Variants in CCSER2 observed in about 807,000 individuals in gnomAD.
CCSER2 encodes serine-rich coiled-coil domain-containing protein 2.
CCSER2 carries 46 observed loss-of-function variants against 92.3 expected under a neutral mutation model. The ratio of observed to expected loss-of-function variants is 0.50; its 90% CI spans 0.39 to 0.64. The LOEUF (loss-of-function observed/expected upper bound fraction) is 0.64, where lower values mean the gene tolerates loss of function less well. Ranked by LOEUF, CCSER2 falls within the 30% of genes least tolerant of loss-of-function variation. CCSER2 has a pLI of 0.00. For synonymous variants in CCSER2, 433 were observed against 431.4 expected (o/e 1.00, Z -0.04); for missense variants, 1,244 against 1,238.9 (o/e 1.00, Z -0.06).
chr10:84,423,982 TAAAAAAA>T (rs3044102), intron 4 of CCSER2, among the ~76,000 whole-genome samples: 2 of 108,178 alleles, frequency 1.8e-5, no homozygotes, highest in Non-Finnish European at 3.7e-5. Flanking sequence ...CCCCATCTCT[TAAAAAAA>T]AAAAAAAAAA....
intron 9 of CCSER2, among the ~76,000 whole-genome samples, chr10:84,504,639 A>G (rs1848949942): frequency 6.6e-6 from 1 of 152,208 alleles, no homozygotes; most frequent in African/African-American, 2.4e-5. Context: ...AAATATTCCT[A>G]TAGGAAACTC....
intron 7 of CCSER2, among the ~76,000 whole-genome samples, chr10:84,469,493 G>T (rs75377187): frequency 0.021 from 3,194 of 152,064 alleles, 56 homozygotes; most frequent in Non-Finnish European, 0.035. Context: ...ATATGTTTTT[G>T]TTCCCGATGT....
chr10:84,480,727 A>T (rs1055493373), intron 9 of CCSER2, among the ~76,000 whole-genome samples: 1 of 152,208 alleles, frequency 6.6e-6, no homozygotes, highest in Non-Finnish European at 1.5e-5. Flanking sequence ...ATACAAGCCA[A>T]TGACAGTCAT....
chr10:84,454,168 T>G (rs61866492), intron 6 of CCSER2, among the ~76,000 whole-genome samples: 7 of 152,118 alleles, frequency 4.6e-5, no homozygotes, highest in Non-Finnish European at 4.4e-5. Flanking sequence ...TACCTTCTAA[T>G]GGTTACCAGC....
chr10:84,495,584 C>T lies in CCSER2; in HGVS notation c.2326-17865C>T, dbSNP rs192696141. ...TCTCCAACTGTAATTGTAGATTTGGCGATTCTCTCAGTTTTATGAGATTAT... is the reference window on the plus strand; with the variant it reads ...TCTCCAACTGTAATTGTAGATTTGGTGATTCTCTCAGTTTTATGAGATTAT... On this transcript the variant is annotated intron_variant, in intron 9 of 9. Coordinates refer to ENST00000372088, the MANE Select transcript of CCSER2 (RefSeq NM_001284240.2). Among the ~76,000 whole-genome samples, 221 of 152,154 alleles carry T rather than the reference C, an allele frequency of 1.5e-3. No homozygotes were observed. The Middle Eastern group carries it at 0.017, about 12-fold the overall frequency.
At chr10:84,476,696 G>T (rs1226338072) in intron 8 of CCSER2, among the ~76,000 whole-genome samples, 1 of 152,058 alleles carries the variant, frequency 6.6e-6, no homozygotes, top group Non-Finnish European at 1.5e-5. Context: ...GCCCGCCTCG[G>T]CCTCCCAAAG....
intron 9 of CCSER2, among the ~76,000 whole-genome samples, chr10:84,488,323 T>A (rs1410506861): frequency 6.6e-6 from 1 of 152,222 alleles, no homozygotes. Context: ...TGATACCAGC[T>A]CCTCCTTGTA....
chr10:84,420,770 A>G (rs535053681), intron 4 of CCSER2, among the ~76,000 whole-genome samples: 1 of 152,116 alleles, frequency 6.6e-6, no homozygotes, highest in Middle Eastern at 3.4e-3. Context: ...TGTCTCTACT[A>G]AAAACACAAA....
At chr10:84,388,869 C>G (rs1841367403) in intron 3 of CCSER2, among the ~76,000 whole-genome samples, 1 of 152,196 alleles carries the variant, frequency 6.6e-6, no homozygotes, top group Non-Finnish European at 1.5e-5. Context: ...GGCAGTAATG[C>G]TCATTTGCCT....
chr10:84,369,315 A>T (rs891695169), intron 1 of CCSER2, among the ~76,000 whole-genome samples: 1 of 152,054 alleles, frequency 6.6e-6, no homozygotes, highest in African/African-American at 2.4e-5. Context: ...CATCACATCT[A>T]TGCCAATATC....
chr10:84,379,710 T>C (rs1038245037), intron 3 of CCSER2, among the ~76,000 whole-genome samples: 1 of 152,196 alleles, frequency 6.6e-6, no homozygotes, highest in Non-Finnish European at 1.5e-5. Context: ...ATATACAGTA[T>C]GATTTTGTAC....
chr10:84,494,719 A>G (rs913330036), intron 9 of CCSER2, among the ~76,000 whole-genome samples: 2 of 152,214 alleles, frequency 1.3e-5, no homozygotes, highest in South Asian at 2.1e-4. Context: ...AAGCGCAGTC[A>G]TAAAGCAGCT....
At chr10:84,419,998 T>C (rs1843060265) in intron 4 of CCSER2, among the ~76,000 whole-genome samples, 1 of 152,188 alleles carries the variant, frequency 6.6e-6, no homozygotes, top group African/African-American at 2.4e-5. Flanking sequence ...GGAAATTTAA[T>C]GGTAATTTTT....
intron 8 of CCSER2, among the ~76,000 whole-genome samples, chr10:84,476,445 T>C (rs1324738799): frequency 7.9e-6 from 1 of 126,820 alleles, no homozygotes; most frequent in East Asian, 2.2e-4. Flanking sequence ...CTTTTTTTTT[T>C]TTTTTTTTTT....
intron 9 of CCSER2, among the ~76,000 whole-genome samples, chr10:84,483,084 G>A (rs529332363): frequency 6.8e-6 from 1 of 147,708 alleles, no homozygotes; most frequent in South Asian, 2.2e-4. Flanking sequence ...TTCAGCAATT[G>A]GAATATGGTC....
intron 1 of CCSER2, among the ~76,000 whole-genome samples, chr10:84,345,724 T>C (rs1844439408): frequency 6.6e-6 from 1 of 152,220 alleles, no homozygotes; most frequent in Admixed American, 6.5e-5. Flanking sequence ...CCAATTGAAC[T>C]GTGGGTTAAA....
At chr10:84,402,254 C>G (rs1307497301) in intron 3 of CCSER2, among the ~76,000 whole-genome samples, 1 of 152,168 alleles carries the variant, frequency 6.6e-6, no homozygotes, top group Non-Finnish European at 1.5e-5. Context: ...TATGAGCACT[C>G]TTTTGTCTGG....
chr10:84,491,541 G>T (rs181321593), intron 9 of CCSER2, among the ~76,000 whole-genome samples: 1,719 of 152,300 alleles, frequency 0.011, 13 homozygotes, highest in Non-Finnish European at 0.016. Context: ...CTCCGAGCCA[G>T]GCACAGGATA....
At chr10:84,395,604 C>T (rs1490501434) in intron 3 of CCSER2, among the ~76,000 whole-genome samples, 1 of 152,188 alleles carries the variant, frequency 6.6e-6, no homozygotes, top group Non-Finnish European at 1.5e-5. Context: ...GGGAGTCAGG[C>T]AACCTGTATT....
Sources: gnomAD v4.1 joint callset for allele counts (sites outside exome capture counted in the v4.1 genomes callset) on GRCh38, gnomAD v4.1.1 for gene constraint, MANE v1.5 for transcripts, NCBI Gene and HGNC (gene_info 2026-07-23, HGNC 2026-07-21) for gene names.